The following IL16 variants were observed in gnomAD, a reference collection of about 807,000 sequenced individuals.
IL16 encodes the protein pro-interleukin-16.
In IL16, 67 loss-of-function variants were observed where a neutral mutation model predicts 110.1. The observed-to-expected ratio is 0.61, with a 90% confidence interval of 0.50 to 0.75. The LOEUF is 0.75. Ranked by LOEUF, IL16 falls within the 30% of genes least tolerant of loss-of-function variation. The pLI is 0.00. For missense variants in IL16, 1,545 were observed against 1,655.0 expected, an observed-to-expected ratio of 0.93 and a Z score of 1.15; for synonymous variants, 689 against 662.9, an observed-to-expected ratio of 1.04 and a Z score of -0.61.
intron 2 of IL16, among the ~76,000 whole-genome samples, chr15:81,244,913 A>T (rs1897484162): frequency 6.6e-6 from 1 of 151,982 alleles, no homozygotes; most frequent in Non-Finnish European, 1.5e-5. Context: ...GTTATTCCGT[A>T]TTCTGATTAA....
chr15:81,276,649 A>G (rs1470644520), intron 6 of IL16, among the ~76,000 whole-genome samples: 1 of 152,240 alleles, frequency 6.6e-6, no homozygotes, highest in East Asian at 1.9e-4. Context: ...TGTGTCATAT[A>G]TGGGCATGCA....
At position 81,308,888 on chromosome 15, in the gene IL16, C is replaced by T; in HGVS notation, c.*90C>T. The T allele has an allele frequency of 2.5e-6, 3 of 1,187,960 alleles. No individual in the cohort carries two copies. Among genetic ancestry groups the T allele is most frequent in the African/African-American group, 1.5e-5 (1 of 64,882 alleles). 73.6% of individuals were successfully genotyped at this position (1,187,960 alleles called of 1,614,324 possible). A position where few individuals can be genotyped will look rare whatever the true frequency, so the allele number is the denominator to read the frequency against. ...TCTCAGGGTCTCTGCTGCCGCCCCACCCAGATGGGGGAAAGCACAGGTGGG... is the reference window on the plus strand; with the variant it reads ...TCTCAGGGTCTCTGCTGCCGCCCCATCCAGATGGGGGAAAGCACAGGTGGG... On this transcript the variant is annotated 3_prime_UTR_variant, in exon 19 of 19. Transcript: ENST00000683961.
chr15:81,195,020 C>G (rs1225935654), upstream of IL16, among the ~76,000 whole-genome samples: 1 of 152,078 alleles, frequency 6.6e-6, no homozygotes, highest in Non-Finnish European at 1.5e-5. Flanking sequence ...AGGGTGGAGA[C>G]TCTTTCTGCA....
At chr15:81,279,228 CTCTA>C (rs923854818) in intron 7 of IL16, among the ~76,000 whole-genome samples, 5 of 152,160 alleles carry the variant, frequency 3.3e-5, no homozygotes, top group African/African-American at 1.2e-4. Context: ...CAATTCATGA[CTCTA>C]TCCATCCATC....
At chr15:81,205,061 C>T (rs562810130) in intron 1 of IL16, among the ~76,000 whole-genome samples, 1 of 152,148 alleles carries the variant, frequency 6.6e-6, no homozygotes, top group Non-Finnish European at 1.5e-5. Flanking sequence ...AACCCCAGCA[C>T]CTTGGGGGGC....
intron 5 of IL16, among the ~76,000 whole-genome samples, chr15:81,272,288 C>A (rs1284170602): frequency 6.6e-6 from 1 of 152,232 alleles, no homozygotes; most frequent in Admixed American, 6.5e-5. Context: ...GTCTGCCAGG[C>A]CATTCTGTGA....
chr15:81,287,831 A>G (rs1341094782), intron 10 of IL16, among the ~76,000 whole-genome samples: 1 of 152,248 alleles, frequency 6.6e-6, no homozygotes, highest in African/African-American at 2.4e-5. Context: ...GCTAAACACA[A>G]TCAGAGACAA....
At chr15:81,207,015 C>T (rs538695176) in intron 1 of IL16, among the ~76,000 whole-genome samples, 6 of 151,926 alleles carry the variant, frequency 3.9e-5, no homozygotes, top group South Asian at 2.1e-4. Context: ...AGGTGGATCA[C>T]GAGGTCAGGA....
intron 1 of IL16, among the ~76,000 whole-genome samples, chr15:81,222,740 T>TCACACA (rs1299396551): frequency 8.3e-6 from 1 of 120,180 alleles, no homozygotes; most frequent in African/African-American, 4.2e-5. Flanking sequence ...CAACACACAC[T>TCACACA]CACAGACACA....
intron 1 of IL16, among the ~76,000 whole-genome samples, chr15:81,219,325 A>G (rs1238311889): frequency 6.6e-6 from 1 of 152,134 alleles, no homozygotes; most frequent in Non-Finnish European, 1.5e-5. Context: ...AATGAGCTTT[A>G]GCCAGTCTTT....
chr15:81,249,866 T>C (rs1897705239), intron 2 of IL16, among the ~76,000 whole-genome samples: 1 of 152,224 alleles, frequency 6.6e-6, no homozygotes. Flanking sequence ...ATGTTTTCTT[T>C]ATGTTGCCAT....
chr15:81,226,322 A>G (rs911540866), intron 2 of IL16, among the ~76,000 whole-genome samples: 12 of 152,334 alleles, frequency 7.9e-5, no homozygotes, highest in African/African-American at 2.6e-4. Flanking sequence ...CTGTTATATC[A>G]TATTTCAATT....
chr15:81,271,326 A>T (rs991987019), intron 5 of IL16, among the ~76,000 whole-genome samples: 3 of 151,790 alleles, frequency 2.0e-5, no homozygotes, highest in African/African-American at 7.2e-5. Context: ...TAAAATAATT[A>T]ACCCGGTATG....
intron 10 of IL16, among the ~76,000 whole-genome samples, chr15:81,288,821 G>T (rs1271964611): frequency 8.2e-6 from 1 of 121,268 alleles, no homozygotes; most frequent in African/African-American, 3.3e-5. Context: ...TAATCTTCTA[G>T]TATGTGTATG....
intron 2 of IL16, among the ~76,000 whole-genome samples, chr15:81,247,191 T>C (rs1197245175): frequency 6.6e-6 from 1 of 151,756 alleles, no homozygotes; most frequent in African/African-American, 2.4e-5. Context: ...TATACGTGTA[T>C]TTTTATTTAA....
rs890341727 is a variant in IL16 at position 81,293,048 on chromosome 15, G to T, written c.1902+11G>T. The T allele has an allele frequency of 6.3e-7, 1 of 1,594,900 alleles. No individual in the cohort carries two copies. The highest frequency in any genetic ancestry group is 1.3e-5 in the African/African-American group (1 of 74,334). ...CCCACCTGTGGCCAGGTAAGAGGAT[G>T]GGTCCACAGGTTGAGTGTTTCCAGG... On this transcript the variant is annotated intron_variant, in intron 12 of 18. Coordinates refer to ENST00000683961, the MANE Select transcript of IL16 (RefSeq NM_172217.5).
intron 2 of IL16, among the ~76,000 whole-genome samples, chr15:81,235,879 C>G (rs888070318): frequency 6.6e-6 from 1 of 152,152 alleles, no homozygotes. Context: ...CATGGCTTTA[C>G]ACTGAATATT....
At chr15:81,183,891 G>T (rs1461685780) in intron 1 of IL16, among the ~76,000 whole-genome samples, 1 of 152,182 alleles carries the variant, frequency 6.6e-6, no homozygotes, top group Admixed American at 6.5e-5. Context: ...TACCTCAGAG[G>T]ACGGCAGAAA....
At position 81,311,741 on chromosome 15, in the gene IL16, C is replaced by G. The variant is rs981177813; in HGVS notation, c.*2943C>G. The G allele has an allele frequency of 6.6e-6, 1 of 152,202 alleles. No homozygotes were observed. The highest frequency in any genetic ancestry group is 2.1e-4 in the South Asian group (1 of 4,830). The allele number at this position is 152,202 out of a possible 1,614,324, so 9.4% of individuals were successfully genotyped here. The stretch of plus-strand genomic sequence containing the variant: ...ATATAGAACAGTGCTTGCCACAGAG[C>G]GGGGACTCGGTAAGCACTTAATGAA... On this transcript the variant is annotated 3_prime_UTR_variant, in exon 19 of 19. Coordinates refer to ENST00000683961, the MANE Select transcript of IL16 (RefSeq NM_172217.5).
Sources: allele counts gnomAD v4.1 joint callset (sites outside exome capture counted in the v4.1 genomes callset), GRCh38; gene constraint gnomAD v4.1.1; transcripts MANE v1.5; gene names NCBI Gene and HGNC (gene_info 2026-07-23, HGNC 2026-07-21).